DOK7: variants seen among roughly 807,000 people sequenced by gnomAD.
The protein encoded by DOK7 is protein Dok-7.
In DOK7, 32 loss-of-function variants were observed where a neutral mutation model predicts 30.7. The observed-to-expected ratio is 1.04, with a 90% confidence interval of 0.79 to 1.40. DOK7 has a LOEUF of 1.40. Among genes scored for constraint, DOK7 ranks in the 40% most tolerant of loss-of-function variants. The probability of loss-of-function intolerance (pLI) is 0.00; values close to 1 mark genes in which losing one functional copy is unlikely to be tolerated. For missense variants in DOK7, 1,007 were observed against 699.2 expected, an observed-to-expected ratio of 1.44 and a Z score of -4.97; for synonymous variants, 447 against 324.1, an observed-to-expected ratio of 1.38 and a Z score of -4.07.
chr4:3,483,425 G>A (rs984505549), intron 4 of DOK7, among the ~76,000 whole-genome samples: 1 of 152,156 alleles, frequency 6.6e-6, no homozygotes, highest in African/African-American at 2.4e-5. Context: ...CCAAGACCTT[G>A]GCAGACCAGC....
At chr4:3,471,920 C>A (rs11947232) in intron 2 of DOK7, among the ~76,000 whole-genome samples, 4 of 152,120 alleles carry the variant, frequency 2.6e-5, no homozygotes, top group African/African-American at 9.7e-5. Context: ...GCACTGTCGC[C>A]GCGCCCACAC....
chr4:3,499,435 C>T (rs527678271), downstream of DOK7, among the ~76,000 whole-genome samples: 2 of 152,190 alleles, frequency 1.3e-5, no homozygotes, highest in Admixed American at 1.3e-4. Context: ...CACTGGAGAA[C>T]GGGGTCCTTC....
chr4:3,490,276 CACCTTGCTCATTCATTTCTTCCT>C, intron 6 of DOK7, among the ~76,000 whole-genome samples: 6 of 123,962 alleles, frequency 4.8e-5, no homozygotes, highest in African/African-American at 1.9e-4. Flanking sequence ...CTTCCTTCCC[CACCTTGCTCATTCATTTCTTCCT>C]CCGCCCCCCC....
At chr4:3,476,211 A>G in intron 3 of DOK7, 131 bp from the exon 4 acceptor site, 1 of 557,246 alleles carries the variant, frequency 1.8e-6, no homozygotes, top group African/African-American at 2.5e-5. Context: ...CCCGCCCATG[A>G]TGCCCTCTCG....
At chr4:3,481,003 G>A (rs761995121) in intron 4 of DOK7, among the ~76,000 whole-genome samples, 3 of 152,176 alleles carry the variant, frequency 2.0e-5, no homozygotes, top group Non-Finnish European at 4.4e-5. Context: ...AGCTGTCAGA[G>A]GGTAAGGGGT....
exon 8 of DOK7, chr4:3,501,213 T>G (rs1323298199): frequency 1.3e-5 from 3 of 226,098 alleles, no homozygotes; most frequent in African/African-American, 4.6e-5. Flanking sequence ...GGTGACTGCA[T>G]GGATGACAGC....
At chr4:3,483,087 C>T (rs1303265566) in intron 4 of DOK7, among the ~76,000 whole-genome samples, 1 of 142,922 alleles carries the variant, frequency 7.0e-6, no homozygotes, top group South Asian at 2.4e-4. Context: ...GGGTGGCAGC[C>T]TCCTGAGTGG....
intron 6 of DOK7, among the ~76,000 whole-genome samples, chr4:3,490,931 CTTCCCCTGCTCATTCATTCCT>C (rs1728340067): frequency 7.2e-6 from 1 of 138,944 alleles, no homozygotes; most frequent in African/African-American, 2.8e-5. Context: ...TTCCTTCCTT[CTTCCCCTGCTCATTCATTCCT>C]TCTCCCCCTG....
chr4:3,468,876 TAC>T (rs1221638383), intron 2 of DOK7, among the ~76,000 whole-genome samples: 4 of 150,852 alleles, frequency 2.7e-5, no homozygotes, highest in South Asian at 2.1e-4. Flanking sequence ...CATGCCTGTG[TAC>T]GAGTGTGCCT....
chr4:3,493,993 C>A lies in DOK7; in HGVS notation c.*492C>A. 4 of 972,706 alleles carry A rather than the reference C, an allele frequency of 4.1e-6. No individual in the cohort carries two copies. Among genetic ancestry groups the A allele is most frequent in the Non-Finnish European group, 4.8e-6 (4 of 828,396 alleles). The allele number at this position is 972,706 out of a possible 1,614,324, so 60.3% of individuals were successfully genotyped here. A position where few individuals can be genotyped will look rare whatever the true frequency, so the allele number is the denominator to read the frequency against. On this transcript the variant is annotated 3_prime_UTR_variant, in exon 7 of 7. Coordinates refer to ENST00000340083, the MANE Select transcript of DOK7 (RefSeq NM_173660.5). ...GGCCACCTGGGCTCCACCAGCCCAG[C>A]CCCCCTGGGCTCCGTGTGCGCTGGG...
intron 6 of DOK7, among the ~76,000 whole-genome samples, 169 bp from the exon 7 acceptor site, chr4:3,492,590 G>A (rs112526400): frequency 1.3e-5 from 2 of 152,050 alleles, no homozygotes; most frequent in African/African-American, 2.4e-5. Flanking sequence ...GGGTAGAGGG[G>A]TTGTTGTTGG....
intron 4 of DOK7, among the ~76,000 whole-genome samples, chr4:3,477,019 C>T (rs955148146): frequency 7.2e-5 from 11 of 152,150 alleles, no homozygotes; most frequent in African/African-American, 2.7e-4. Flanking sequence ...GTGGCCAGGC[C>T]GTGGGTGGGG....
At chr4:3,476,259 C>CCCT in intron 3 of DOK7, 83 bp from the exon 4 acceptor site, 32 of 991,380 alleles carry the variant, frequency 3.2e-5, no homozygotes, top group Admixed American at 1.9e-4. Flanking sequence ...CCCACCCGCC[C>CCCT]GTGATGCCCT....
At chr4:3,463,978 G>A (rs1323679646) in intron 2 of DOK7, among the ~76,000 whole-genome samples, 1 of 152,224 alleles carries the variant, frequency 6.6e-6, no homozygotes, top group Non-Finnish European at 1.5e-5. Context: ...GCAGACGAGA[G>A]GCTGGGCTGC....
At chr4:3,500,924 G>A (rs1729156314) in exon 8 of DOK7, 1 of 1,432,360 alleles carries the variant, frequency 7.0e-7, no homozygotes, top group Admixed American at 2.8e-5. Context: ...CTGGTCCCCA[G>A]GGAGCTCCCA....
At chr4:3,483,579 C>T (rs897329848) in intron 4 of DOK7, among the ~76,000 whole-genome samples, 6 of 152,208 alleles carry the variant, frequency 3.9e-5, no homozygotes, top group Non-Finnish European at 5.9e-5. Flanking sequence ...CCCGGTTGAC[C>T]GTGTCTTCGG....
chr4:3,478,541 C>T (rs1197594846), intron 4 of DOK7, among the ~76,000 whole-genome samples: 4 of 133,558 alleles, frequency 3.0e-5, no homozygotes, highest in Non-Finnish European at 6.4e-5. Flanking sequence ...GGGCTGGCCC[C>T]ACAGAACCCA....
chr4:3,500,213 C>A (rs551189636), intron 6 of DOK7: 2 of 1,530,914 alleles, frequency 1.3e-6, no homozygotes, highest in Admixed American at 2.0e-5. Context: ...GTGCCCCTCT[C>A]GGTCCCCACC....
chr4:3,493,741 C>T lies in DOK7; in HGVS notation c.*240C>T, dbSNP rs1423789432. The T allele has an allele frequency of 5.6e-6, 8 of 1,420,158 alleles. No individual in the cohort carries two copies. In the South Asian group the frequency reaches 7.7e-5, roughly 14 times the overall value. 88.0% of individuals were successfully genotyped at this position (1,420,158 alleles called of 1,614,324 possible). ...GTCCGGCAGGTCGGGGTCACCAGAG[C>T]CCCAATGCTCAGCTGCTTCACTCCG... On this transcript the variant is annotated 3_prime_UTR_variant, in exon 7 of 7. Coordinates refer to ENST00000340083, the MANE Select transcript of DOK7 (RefSeq NM_173660.5).
Sources: gnomAD v4.1 joint callset for allele counts (sites outside exome capture counted in the v4.1 genomes callset) on GRCh38, gnomAD v4.1.1 for gene constraint, MANE v1.5 for transcripts, NCBI Gene and HGNC (gene_info 2026-07-23, HGNC 2026-07-21) for gene names.